The following GLI3 variants were observed in gnomAD, a reference collection of about 807,000 sequenced individuals.
GLI3 encodes the protein transcription activator GLI3.
Under a neutral mutation model 100.8 loss-of-function variants are expected in GLI3, and 20 were observed. The observed-to-expected ratio is 0.20, with a 90% CI of 0.14 to 0.29. GLI3 has a LOEUF of 0.29. Among genes scored for constraint, GLI3 ranks in the 10% least tolerant of loss-of-function variants. The pLI is 1.00. For synonymous variants in GLI3, 938 were observed against 860.5 expected (o/e 1.09, Z -1.58); for missense variants, 2,040 against 2,128.5 (o/e 0.96, Z 0.82).
intron 1 of GLI3, among the ~76,000 whole-genome samples, chr7:42,251,440 C>T (rs189645833): frequency 2.0e-4 from 31 of 152,296 alleles, no homozygotes; most frequent in Admixed American, 1.6e-3. Context: ...GCTCGCTTGC[C>T]GCTCACCTCC....
At chr7:42,046,209 A>T (rs187315730) in intron 5 of GLI3, among the ~76,000 whole-genome samples, 36 of 152,190 alleles carry the variant, frequency 2.4e-4, no homozygotes, top group Non-Finnish European at 4.0e-4. Flanking sequence ...TTTTCGTGCA[A>T]AAGCAGCAAG....
Position 42,040,180 on chromosome 7 carries a change from T to C in GLI3, c.886A>G (p.Ile296Val), listed in dbSNP as rs750789578. The change falls in exon 7 of 15, where the codon ATA becomes GTA. Residue 296 changes from isoleucine to valine, a missense_variant. Ile to Val is a conservative substitution (Grantham distance 29). This residue lies in a region of GLI3 where 603 missense variants were observed against 690.9 expected (regional missense o/e 0.87). Coordinates refer to ENST00000395925, the MANE Select transcript of GLI3 (RefSeq NM_000168.6). ...ARPSRKRTLS[I>V]SPLSDHSFDL... Reference sequence around the variant, plus strand: ...AAGCTATGATCGGAGAGTGGTGATATGGACAGTGTACGTTTTCGGCTCGGC... The same window carrying C: ...AAGCTATGATCGGAGAGTGGTGATACGGACAGTGTACGTTTTCGGCTCGGC... The C allele has an allele frequency of 1.9e-6, 3 of 1,613,926 alleles. No individual in the cohort carries two copies. The highest frequency in any genetic ancestry group is 2.2e-5 in the South Asian group (2 of 91,080).
intron 10 of GLI3, among the ~76,000 whole-genome samples, chr7:41,980,416 T>G (rs1787628769): frequency 6.6e-6 from 1 of 152,216 alleles, no homozygotes; most frequent in African/African-American, 2.4e-5. Context: ...AAATGTGTGC[T>G]GAAGCCCAGC....
At chr7:42,017,693 C>A (rs1179915734) in intron 10 of GLI3, among the ~76,000 whole-genome samples, 2 of 152,220 alleles carry the variant, frequency 1.3e-5, no homozygotes, top group African/African-American at 4.8e-5. Context: ...AGCAGACACA[C>A]AATGCGGAAG....
intron 2 of GLI3, among the ~76,000 whole-genome samples, chr7:42,210,339 C>CT (rs1491494715): frequency 1.5e-4 from 1 of 6,884 alleles, no homozygotes; most frequent in Non-Finnish European, 4.0e-4. Flanking sequence ...AAAATGAAAG[C>CT]CCCCCCCCCC....
chr7:42,033,112 A>G (rs1418335549), intron 7 of GLI3, among the ~76,000 whole-genome samples: 1 of 152,212 alleles, frequency 6.6e-6, no homozygotes, highest in Non-Finnish European at 1.5e-5. Context: ...CTGGGCAGGT[A>G]GGTGATGCAT....
At chr7:42,242,134 G>T (rs150421507), upstream of GLI3, among the ~76,000 whole-genome samples, 1 of 152,190 alleles carries the variant, frequency 6.6e-6, no homozygotes, top group East Asian at 1.9e-4. Flanking sequence ...TTATCCACCT[G>T]GCAGCAATGT....
intron 3 of GLI3, among the ~76,000 whole-genome samples, chr7:42,131,818 A>G (rs1786284018): frequency 6.6e-6 from 1 of 152,228 alleles, no homozygotes. Flanking sequence ...AAGTAATAAT[A>G]TAATATCAAT....
intron 10 of GLI3, among the ~76,000 whole-genome samples, chr7:41,994,644 GC>G (rs1277785286): frequency 6.6e-6 from 1 of 152,126 alleles, no homozygotes; most frequent in African/African-American, 2.4e-5. Flanking sequence ...TTGAATTTGA[GC>G]CATTTCTGCA....
chr7:41,998,943 C>T (rs1279605518), intron 10 of GLI3, among the ~76,000 whole-genome samples: 2 of 152,164 alleles, frequency 1.3e-5, no homozygotes, highest in Non-Finnish European at 2.9e-5. Flanking sequence ...AGCCTTTCAC[C>T]CTCTATGGAG....
intron 1 of GLI3, among the ~76,000 whole-genome samples, chr7:42,243,575 A>T (rs1216886931): frequency 6.6e-6 from 1 of 152,210 alleles, no homozygotes; most frequent in Non-Finnish European, 1.5e-5. Flanking sequence ...GGAGATAACG[A>T]TATTCATCTC....
At chr7:42,163,791 C>CA in intron 2 of GLI3, among the ~76,000 whole-genome samples, 1 of 152,258 alleles carries the variant, frequency 6.6e-6, no homozygotes, top group Non-Finnish European at 1.5e-5. Context: ...CTCATGACCC[C>CA]AGTGTCTCTC....
chr7:42,263,234 G>C (rs961446740), intron 1 of GLI3, among the ~76,000 whole-genome samples: 2 of 152,158 alleles, frequency 1.3e-5, no homozygotes, highest in Admixed American at 1.3e-4. Flanking sequence ...TATGACAAGA[G>C]CTCAAAGGGA....
chr7:42,012,570 T>C (rs1369437165), intron 10 of GLI3, among the ~76,000 whole-genome samples: 1 of 152,226 alleles, frequency 6.6e-6, no homozygotes, highest in Non-Finnish European at 1.5e-5. Context: ...CTCTTTGAGT[T>C]GTCAATCGCC....
At chr7:42,170,906 G>A (rs1487833948) in intron 2 of GLI3, among the ~76,000 whole-genome samples, 1 of 152,108 alleles carries the variant, frequency 6.6e-6, no homozygotes. Flanking sequence ...AATTCCTCAG[G>A]CAAAATATAA....
intron 2 of GLI3, among the ~76,000 whole-genome samples, chr7:42,205,938 A>G (rs1788142539): frequency 1.3e-5 from 2 of 152,188 alleles, no homozygotes; most frequent in African/African-American, 4.8e-5. Context: ...TAATTACAAT[A>G]AAGCCCAATA....
chr7:42,192,147 C>T (rs569511619), intron 2 of GLI3, among the ~76,000 whole-genome samples: 1 of 152,100 alleles, frequency 6.6e-6, no homozygotes, highest in African/African-American at 2.4e-5. Flanking sequence ...AACACAATTC[C>T]AATCGCAATC....
chr7:42,002,482 C>A (rs193199841), intron 10 of GLI3, among the ~76,000 whole-genome samples: 3 of 151,996 alleles, frequency 2.0e-5, no homozygotes, highest in Admixed American at 2.0e-4. Context: ...TATACCAGTA[C>A]CAATTTATAA....
chr7:42,033,650 T>A (rs139151509), intron 7 of GLI3, among the ~76,000 whole-genome samples: 95 of 152,272 alleles, frequency 6.2e-4, no homozygotes, highest in African/African-American at 2.2e-3. Flanking sequence ...ACTGTTGCAC[T>A]AAGAGGTCAT....
Sources: gnomAD v4.1 joint callset for allele counts (sites outside exome capture counted in the v4.1 genomes callset) on GRCh38, gnomAD v4.1.1 for gene constraint, gnomAD v4.1.1 regional missense constraint, MANE v1.5 for transcripts, NCBI Gene and HGNC (gene_info 2026-07-23, HGNC 2026-07-21) for gene names.